Variants in FKBP1A observed in about 807,000 individuals in gnomAD.
FKBP1A encodes peptidyl-prolyl cis-trans isomerase FKBP1A.
A neutral mutation model predicts 14.2 loss-of-function variants in FKBP1A; 5 were observed. The ratio of observed to expected loss-of-function variants is 0.35; its 90% CI spans 0.18 to 0.74. FKBP1A has a LOEUF of 0.74. Ranked by LOEUF, FKBP1A falls within the 30% of genes least tolerant of loss-of-function variation. The probability of loss-of-function intolerance (pLI) is 0.56; values close to 1 mark genes in which losing one functional copy is unlikely to be tolerated. For synonymous variants in FKBP1A, 42 were observed against 49.1 expected (o/e 0.86, Z 0.60); for missense variants, 53 against 138.8 (o/e 0.38, Z 3.10).
intron 2 of FKBP1A, among the ~76,000 whole-genome samples, chr20:1,381,471 C>A (rs1053384371): frequency 6.6e-6 from 1 of 152,210 alleles, no homozygotes; most frequent in African/African-American, 2.4e-5. Context: ...AACTGGTATT[C>A]TCATACACTG....
chr20:1,392,757 C>T, intron 2 of FKBP1A, 77 bp downstream of exon 2: 1 of 1,171,824 alleles, frequency 8.5e-7, no homozygotes, highest in Non-Finnish European at 1.1e-6. Flanking sequence ...GCCCCGGGCC[C>T]CCAGGCCTCG....
chr20:1,369,950 C>A lies in FKBP1A; in HGVS notation c.*159G>T. 6.8e-7 allele frequency: 1 copy of A among 1,467,952 alleles called. No individual in the cohort carries two copies. The highest frequency in any genetic ancestry group is 9.2e-7 in the Non-Finnish European group (1 of 1,087,792). The allele number at this position is 1,467,952 out of a possible 1,614,324, so 90.9% of individuals were successfully genotyped here. A position where few individuals can be genotyped will look rare whatever the true frequency, so the allele number is the denominator to read the frequency against. On this transcript the variant is annotated 3_prime_UTR_variant, in exon 5 of 5. Coordinates refer to ENST00000400137, the MANE Select transcript of FKBP1A (RefSeq NM_000801.5). Reference sequence around the variant, plus strand: ...GGAAACAGAGGTGTCGGAAGCAAAGCTGAGTGACAGAACACATTCAGTCAG... The same window carrying A: ...GGAAACAGAGGTGTCGGAAGCAAAGATGAGTGACAGAACACATTCAGTCAG...
intron 2 of FKBP1A, among the ~76,000 whole-genome samples, chr20:1,382,957 G>GA (rs1469471757): frequency 1.3e-5 from 2 of 152,144 alleles, no homozygotes; most frequent in Non-Finnish European, 2.9e-5. Context: ...GCTTTTCAAG[G>GA]AATCAGCAGA....
chr20:1,389,733 G>A (rs2064889176), intron 2 of FKBP1A, among the ~76,000 whole-genome samples: 2 of 152,176 alleles, frequency 1.3e-5, no homozygotes, highest in Non-Finnish European at 2.9e-5. Context: ...GCAGGCACAC[G>A]GCCTGCTGAA....
At position 1,375,728 on chromosome 20, in the gene FKBP1A, G is replaced by A. The variant is rs145479227; in HGVS notation, c.86-125C>T. 1.1e-3 allele frequency: 785 copies of A among 726,546 alleles called. 7 individuals are homozygous for A. The African/African-American group carries it at 0.012, about 11-fold the overall frequency. 45.0% of individuals were successfully genotyped at this position (726,546 alleles called of 1,614,324 possible). The stretch of plus-strand genomic sequence containing the variant: ...GTCTGGCAGGAACTGCAGTATCTAG[G>A]GAGGGTTTCCTGTGACCTCACTGGA... On this transcript the variant is annotated intron_variant, in intron 2 of 4. Coordinates refer to ENST00000400137, the MANE Select transcript of FKBP1A (RefSeq NM_000801.5).
At chr20:1,380,861 T>C (rs761712035) in intron 2 of FKBP1A, among the ~76,000 whole-genome samples, 34 of 152,272 alleles carry the variant, frequency 2.2e-4, no homozygotes, top group East Asian at 3.9e-4. Context: ...CTTTCAGAGA[T>C]GAAAACTACA....
chr20:1,376,780 C>G (rs931497871), intron 2 of FKBP1A: 1 of 151,752 alleles, frequency 6.6e-6, no homozygotes, highest in Non-Finnish European at 1.5e-5. Flanking sequence ...AAATACCATG[C>G]TCTTTCTATT....
chr20:1,372,722 T>TTGGG (rs1181602216), intron 3 of FKBP1A, among the ~76,000 whole-genome samples: 4 of 152,224 alleles, frequency 2.6e-5, no homozygotes, highest in African/African-American at 9.7e-5. Flanking sequence ...TTATACTCTT[T>TTGGG]TACCCATATA....
chr20:1,391,599 T>C (rs757447102), intron 2 of FKBP1A: 17 of 398,286 alleles, frequency 4.3e-5, no homozygotes, highest in Non-Finnish European at 7.5e-5. Flanking sequence ...GGGATGTTAG[T>C]TGCCTTTTCC....
chr20:1,370,916 C>G lies in FKBP1A; in HGVS notation c.*37-844G>C, dbSNP rs112206153. 36 of 985,450 alleles carry G rather than the reference C, an allele frequency of 3.7e-5. No homozygotes were observed. The African/African-American group carries it at 5.8e-4, about 16-fold the overall frequency. The allele number at this position is 985,450 out of a possible 1,614,324, so 61.0% of individuals were successfully genotyped here. ...CCTGTAAAGTGCCAGGGATTCCCTC[C>G]CAGTAGCAATGACAGGTGAAGAAAC... On this transcript the variant is annotated intron_variant, in intron 4 of 4. Transcript: ENST00000400137.
intron 2 of FKBP1A, among the ~76,000 whole-genome samples, chr20:1,381,772 A>G (rs1303655661): frequency 3.3e-5 from 5 of 152,260 alleles, no homozygotes; most frequent in Non-Finnish European, 7.3e-5. Context: ...ATGGGACAAT[A>G]CAGATGAATC....
intron 2 of FKBP1A, among the ~76,000 whole-genome samples, chr20:1,388,309 T>G (rs904302400): frequency 6.6e-6 from 1 of 152,200 alleles, no homozygotes; most frequent in East Asian, 1.9e-4. Flanking sequence ...GCCTGCTCTC[T>G]TTGAAGAAAT....
intron 2 of FKBP1A, chr20:1,376,990 C>A (rs1198874530): frequency 6.6e-6 from 1 of 152,180 alleles, no homozygotes; most frequent in Non-Finnish European, 1.5e-5. Context: ...CCTGAGAATT[C>A]TCTAATTAGG....
chr20:1,380,508 A>G (rs2089605677), intron 2 of FKBP1A, among the ~76,000 whole-genome samples: 1 of 152,218 alleles, frequency 6.6e-6, no homozygotes, highest in South Asian at 2.1e-4. Context: ...TTGACAAAGC[A>G]CTGGGCAGAA....
At chr20:1,385,125 C>G (rs750885783) in intron 2 of FKBP1A, among the ~76,000 whole-genome samples, 46 of 152,306 alleles carry the variant, frequency 3.0e-4, no homozygotes, top group African/African-American at 1.1e-3. Flanking sequence ...TGCAGTGGCT[C>G]ACGCCTGTAA....
intron 4 of FKBP1A, chr20:1,371,136 A>C (rs2122651202): frequency 1.0e-6 from 1 of 985,378 alleles, no homozygotes; most frequent in East Asian, 1.1e-4. Context: ...CTTGGCTGTG[A>C]CCCTCTGGTT....
Position 1,370,702 on chromosome 20 carries a change from G to A in FKBP1A, c.*37-630C>T, listed in dbSNP as rs1020975830. On this transcript the variant is annotated intron_variant, in intron 4 of 4. Coordinates refer to ENST00000400137, the MANE Select transcript of FKBP1A (RefSeq NM_000801.5). ...TGGCAGTGGGTTGGGAGGGTTACTC[G>A]GGGTGACTTGTAGCCTTTATCCCTC... The A allele has an allele frequency of 4.2e-5, 41 of 985,370 alleles. No individual in the cohort carries two copies. The Middle Eastern group carries it at 2.1e-3, about 50-fold the overall frequency. 61.0% of individuals were successfully genotyped at this position (985,370 alleles called of 1,614,324 possible).
chr20:1,382,534 TTC>T (rs2122691733), intron 2 of FKBP1A, among the ~76,000 whole-genome samples: 1 of 152,260 alleles, frequency 6.6e-6, no homozygotes, highest in East Asian at 1.9e-4. Flanking sequence ...CTGGCCTGCG[TTC>T]TGTGTCCTGG....
chr20:1,378,798 C>T (rs528727515), intron 2 of FKBP1A: 2 of 152,326 alleles, frequency 1.3e-5, no homozygotes, highest in Non-Finnish European at 2.9e-5. Context: ...ACCTCTGACA[C>T]TTAGTGAGCA....
Sources: allele counts gnomAD v4.1 joint callset (sites outside exome capture counted in the v4.1 genomes callset), GRCh38; gene constraint gnomAD v4.1.1; transcripts MANE v1.5; gene names NCBI Gene and HGNC (gene_info 2026-07-23, HGNC 2026-07-21).